Variants in RBFOX1 observed in about 807,000 individuals in gnomAD.
The protein encoded by RBFOX1 is RNA binding fox-1 homolog 1.
A neutral mutation model predicts 57.7 loss-of-function variants in RBFOX1; 8 were observed. The ratio of observed to expected loss-of-function variants is 0.14; its 90% CI spans 0.08 to 0.25. RBFOX1 has a LOEUF of 0.25. RBFOX1 is among the 10% of genes least tolerant of loss of function. The pLI is 1.00. For synonymous variants in RBFOX1, 326 were observed against 222.4 expected (o/e 1.47, Z -4.15); for missense variants, 611 against 548.5 (o/e 1.11, Z -1.14).
At chr16:6,591,598 T>G (rs754137985) in intron 2 of RBFOX1, among the ~76,000 whole-genome samples, 9 of 152,200 alleles carry the variant, frequency 5.9e-5, no homozygotes, top group African/African-American at 1.2e-4. Flanking sequence ...CCCAGTCATT[T>G]TTGTCAGATG....
At chr16:6,500,274 C>G (rs890657357) in intron 2 of RBFOX1, among the ~76,000 whole-genome samples, 5 of 152,144 alleles carry the variant, frequency 3.3e-5, no homozygotes, top group Admixed American at 6.5e-5. Context: ...AGCAAGAAGA[C>G]CATCATCTGT....
At chr16:5,615,150 C>T (rs1567301468) in intron 3 of RBFOX1, among the ~76,000 whole-genome samples, 1 of 152,150 alleles carries the variant, frequency 6.6e-6, no homozygotes, top group Non-Finnish European at 1.5e-5. Context: ...TATTTCCATC[C>T]CAGCCTCCCA....
intron 3 of RBFOX1, among the ~76,000 whole-genome samples, chr16:5,607,886 C>G (rs1196463269): frequency 6.6e-6 from 1 of 152,172 alleles, no homozygotes; most frequent in Non-Finnish European, 1.5e-5. Context: ...AATGGCTGGA[C>G]AGGATTTCAT....
chr16:7,347,319 T>C (rs1319580977), intron 4 of RBFOX1, among the ~76,000 whole-genome samples: 1 of 152,050 alleles, frequency 6.6e-6, no homozygotes, highest in South Asian at 2.1e-4. Context: ...CTCACAATCA[T>C]GTTGGAAGGT....
chr16:5,600,298 CAAAAAAATAA>C (rs1459771482), downstream of RBFOX1: 2 of 145,360 alleles, frequency 1.4e-5, no homozygotes, highest in Non-Finnish European at 3.0e-5. Context: ...GACTCCGTCT[CAAAAAAATAA>C]AAAAAAATAA....
chr16:6,281,746 A>T (rs908309505), intron 1 of RBFOX1, among the ~76,000 whole-genome samples: 25 of 152,142 alleles, frequency 1.6e-4, no homozygotes, highest in African/African-American at 4.8e-4. Context: ...AGTGCTGTGG[A>T]TAATGTTGGT....
chr16:6,666,763 A>G (rs1204630041), intron 3 of RBFOX1, among the ~76,000 whole-genome samples: 1 of 152,140 alleles, frequency 6.6e-6, no homozygotes, highest in Non-Finnish European at 1.5e-5. Context: ...TTATTGCAAC[A>G]AAACCCTCCA....
chr16:6,510,740 C>G (rs1032323793), intron 2 of RBFOX1, among the ~76,000 whole-genome samples: 2 of 151,788 alleles, frequency 1.3e-5, no homozygotes, highest in African/African-American at 4.9e-5. Context: ...GAAATCTCAG[C>G]TTAATTGTCC....
intron 4 of RBFOX1, among the ~76,000 whole-genome samples, chr16:5,896,481 C>T (rs772576878): frequency 5.3e-5 from 8 of 152,170 alleles, no homozygotes; most frequent in Admixed American, 1.3e-4. Flanking sequence ...CTTCTCTGCA[C>T]ATGTGGGCTC....
chr16:6,110,829 G>A (rs185639763), intron 1 of RBFOX1, among the ~76,000 whole-genome samples: 19 of 152,238 alleles, frequency 1.2e-4, no homozygotes, highest in African/African-American at 4.1e-4. Context: ...GTGGGTAGAG[G>A]CCAGAGACGG....
intron 4 of RBFOX1, among the ~76,000 whole-genome samples, chr16:7,388,257 C>G (rs1486980219): frequency 6.6e-6 from 1 of 152,114 alleles, no homozygotes; most frequent in East Asian, 1.9e-4. Flanking sequence ...ACTCGGTATC[C>G]ATGATGTGTT....
At chr16:7,231,365 A>T (rs1390217934) in intron 4 of RBFOX1, among the ~76,000 whole-genome samples, 1 of 152,174 alleles carries the variant, frequency 6.6e-6, no homozygotes, top group African/African-American at 2.4e-5. Context: ...GGAGTATTAG[A>T]GAATCAGCAG....
chr16:5,640,782 C>T (rs1193873658), intron 3 of RBFOX1, among the ~76,000 whole-genome samples: 2 of 150,754 alleles, frequency 1.3e-5, no homozygotes, highest in East Asian at 2.0e-4. Flanking sequence ...CACATACACA[C>T]ACCATGCATA....
intron 1 of RBFOX1, among the ~76,000 whole-genome samples, chr16:6,266,316 G>A (rs978521903): frequency 1.8e-4 from 28 of 152,172 alleles, no homozygotes; most frequent in Admixed American, 9.2e-4. Flanking sequence ...TTACTGCAGC[G>A]TCTAGCCCAT....
At chr16:7,298,285 GTTTT>G (rs201092743) in intron 4 of RBFOX1, among the ~76,000 whole-genome samples, 22 of 96,580 alleles carry the variant, frequency 2.3e-4, no homozygotes, top group Admixed American at 1.4e-3. Context: ...GTTTTTTTTT[GTTTT>G]TTTTTTTTTT....
intron 2 of RBFOX1, among the ~76,000 whole-genome samples, chr16:5,527,512 A>G (rs928915734): frequency 2.6e-5 from 4 of 152,192 alleles, no homozygotes; most frequent in Non-Finnish European, 5.9e-5. Context: ...GAGTTTTTTT[A>G]TATGAGCAAG....
intron 3 of RBFOX1, among the ~76,000 whole-genome samples, chr16:6,836,473 A>G (rs898382811): frequency 1.3e-5 from 2 of 152,208 alleles, no homozygotes; most frequent in Admixed American, 6.5e-5. Flanking sequence ...GTGCAGAGGT[A>G]TCTTGCTTTC....
chr16:5,989,881 C>CACACACACACACACACACACACACACA (rs1596355221), intron 4 of RBFOX1, among the ~76,000 whole-genome samples: 3 of 35,522 alleles, frequency 8.4e-5, no homozygotes, highest in Admixed American at 2.8e-4. Context: ...CACACACACA[C>CACACACACACACACACACACACACACA]CACCCCTGTT....
chr16:7,618,663 T>C (rs2058842691), intron 10 of RBFOX1, among the ~76,000 whole-genome samples: 1 of 152,202 alleles, frequency 6.6e-6, no homozygotes, highest in Non-Finnish European at 1.5e-5. Context: ...TAAGTTGGTG[T>C]ATAAATAGAA....
Sources: allele counts gnomAD v4.1 joint callset (sites outside exome capture counted in the v4.1 genomes callset), GRCh38; gene constraint gnomAD v4.1.1; transcripts MANE v1.5; gene names NCBI Gene and HGNC (gene_info 2026-07-23, HGNC 2026-07-21).